Variants in DKK4 observed in about 807,000 individuals in gnomAD.
The protein encoded by DKK4 is dickkopf Wnt signaling pathway inhibitor 4, also known as dickkopf-related protein 4.
A neutral mutation model predicts 14.5 loss-of-function variants in DKK4; 15 were observed. The observed-to-expected ratio is 1.03, with a 90% confidence interval of 0.69 to 1.59. The LOEUF is 1.59. Ranked by LOEUF, DKK4 falls within the 40% of genes most tolerant of loss-of-function variation. The pLI, the probability that DKK4 is intolerant of heterozygous loss-of-function variation, is 0.00. For missense variants in DKK4, 272 were observed against 280.3 expected (o/e 0.97, Z 0.21); for synonymous variants, 89 against 105.2 (o/e 0.85, Z 0.94).
Position 42,374,296 on chromosome 8 carries a change from TGAC to T in DKK4, c.476_478del (p.Arg159del). On this transcript the variant is annotated inframe_deletion, in exon 4 of 4. Coordinates refer to ENST00000220812, the MANE Select transcript of DKK4 (RefSeq NM_014420.3). ...TGGCTTACAAATTTTCGTCCAAAAA[TGAC>T]GAGCACAGCAAAGTCCAGGGCCACA... 1 of 1,612,270 alleles carries T rather than the reference TGAC, an allele frequency of 6.2e-7. No homozygotes were observed. The highest frequency in any genetic ancestry group is 1.1e-5 in the South Asian group (1 of 90,858).
At chr8:42,384,207 G>A in the DKK4 span, among the ~76,000 whole-genome samples, 1 of 152,138 alleles carries the variant, frequency 6.6e-6, no homozygotes, top group Admixed American at 6.5e-5. Flanking sequence ...TGTCACCTGG[G>A]CTGGAGTGCA....
chr8:42,374,296 T>C lies in DKK4; in HGVS notation c.479A>G (p.His160Arg), dbSNP rs1216859158. The C allele has an allele frequency of 1.2e-6, 2 of 1,612,154 alleles. No homozygotes were observed. Among genetic ancestry groups the C allele is most frequent in the Non-Finnish European group, 8.5e-7 (1 of 1,178,986 alleles). Residue 160 changes from histidine to arginine, a missense_variant, in exon 4 of 4, where the codon CAT becomes CGT. Physicochemically the swap from His to Arg is conservative, Grantham distance 29. Coordinates refer to ENST00000220812, the MANE Select transcript of DKK4 (RefSeq NM_014420.3). ...DCGPGLCCAR[H>R]FWTKICKPVL... ...TGGCTTACAAATTTTCGTCCAAAAA[T>C]GACGAGCACAGCAAAGTCCAGGGCC... is the stretch of plus-strand genomic sequence containing the variant.
upstream of DKK4, among the ~76,000 whole-genome samples, chr8:42,380,517 GAAAAA>G (rs1159072811): frequency 2.3e-4 from 28 of 121,834 alleles, no homozygotes; most frequent in African/African-American, 8.6e-4. Context: ...GAAAAGAAAA[GAAAAA>G]AGAGAGGAAG....
the DKK4 span, among the ~76,000 whole-genome samples, chr8:42,383,771 C>T: frequency 2.0e-5 from 3 of 152,150 alleles, no homozygotes; most frequent in South Asian, 4.1e-4. Context: ...GGCGAAACCC[C>T]GTCTCTACTA....
the DKK4 span, among the ~76,000 whole-genome samples, chr8:42,389,089 A>G: frequency 9.2e-5 from 14 of 152,274 alleles, no homozygotes; most frequent in African/African-American, 3.1e-4. Context: ...GACTACAGGC[A>G]CATGCCACCC....
In DKK4 at chr8:42,375,771, G is replaced by A. The variant is rs115963393; in HGVS notation, c.171C>T (p.Arg57=). The A allele has an allele frequency of 5.6e-3, 8,969 of 1,614,094 alleles. 23 individuals are homozygous for A. The highest frequency in any genetic ancestry group is 6.3e-3 in the Non-Finnish European group (7,450 of 1,180,014). Residue 57 remains arginine (R), a synonymous_variant, in exon 2 of 4, where the codon CGC becomes CGT. Transcript: ENST00000220812. ...CNTRKFCLQP[R]DEKPFCATCR... The stretch of plus-strand genomic sequence containing the variant: ...ATGTAGCACAGAACGGCTTCTCATC[G>A]CGGGGCTGGAGGCAGAACTTTCTGG...
upstream of DKK4, among the ~76,000 whole-genome samples, chr8:42,379,378 TAGAGAGAG>T (rs537441477): frequency 0.022 from 747 of 34,256 alleles, 15 homozygotes; most frequent in African/African-American, 0.038. Context: ...TATATATATA[TAGAGAGAG>T]AGAGAGAGAG....
At chr8:42,389,570 C>T in the DKK4 span, among the ~76,000 whole-genome samples, 1 of 152,154 alleles carries the variant, frequency 6.6e-6, no homozygotes, top group South Asian at 2.1e-4. Context: ...GCGGTCAAAT[C>T]TGATATTTGC....
upstream of DKK4, among the ~76,000 whole-genome samples, chr8:42,378,477 A>G (rs1323060712): frequency 1.3e-5 from 2 of 152,104 alleles, no homozygotes; most frequent in Admixed American, 6.5e-5. Flanking sequence ...TACCTCTCGT[A>G]TGGAAGTTAC....
At chr8:42,374,536 C>A (rs1477556644) in intron 3 of DKK4, among the ~76,000 whole-genome samples, 177 bp from the exon 4 acceptor site, 1 of 152,154 alleles carries the variant, frequency 6.6e-6, no homozygotes. Context: ...CATGGCGACT[C>A]CACCCCTACC....
At chr8:42,390,055 G>C in the DKK4 span, among the ~76,000 whole-genome samples, 1 of 152,062 alleles carries the variant, frequency 6.6e-6, no homozygotes. Context: ...ACCATGCCCA[G>C]CTAATTTTCT....
chr8:42,375,684 C>G lies in DKK4; in HGVS notation c.258G>C (p.Val86=). The part of the protein sequence containing the change: ...DAMCCPGTLC[V]NDVCTTMEDA... ...TGTTGGCGTTATGTCGCTCACCGTT[C>G]ACACAGAGTGTCCCAGGGCAGCACA... Residue 86 remains valine (V), a synonymous_variant, in exon 2 of 4, where the codon GTG becomes GTC. Transcript: ENST00000220812. 6.2e-7 allele frequency: 1 copy of G among 1,613,340 alleles called. No individual in the cohort carries two copies. Among genetic ancestry groups the G allele is most frequent in the Non-Finnish European group, 8.5e-7 (1 of 1,180,028 alleles).
upstream of DKK4, among the ~76,000 whole-genome samples, chr8:42,379,112 GT>G (rs923182695): frequency 6.6e-6 from 1 of 150,462 alleles, no homozygotes; most frequent in African/African-American, 2.4e-5. Flanking sequence ...CTAGTCGGGC[GT>G]GGTGGTGGTC....
upstream of DKK4, among the ~76,000 whole-genome samples, chr8:42,378,763 G>C (rs943452221): frequency 1.3e-5 from 2 of 151,932 alleles, no homozygotes; most frequent in African/African-American, 4.8e-5. Flanking sequence ...TGAGCACTTA[G>C]AGCACTTGGC....
chr8:42,384,743 AG>A, the DKK4 span, among the ~76,000 whole-genome samples: 6 of 152,056 alleles, frequency 3.9e-5, no homozygotes, highest in African/African-American at 1.4e-4. Context: ...GCCCACAACG[AG>A]GGGGCTGCAG....
At chr8:42,382,792 G>A in the DKK4 span, among the ~76,000 whole-genome samples, 1,006 of 152,328 alleles carry the variant, frequency 6.6e-3, 7 homozygotes, top group Middle Eastern at 0.024. Context: ...TACTGACTAA[G>A]CTTAGAGGAA....
the DKK4 span, among the ~76,000 whole-genome samples, chr8:42,385,983 C>T: frequency 6.6e-6 from 1 of 152,180 alleles, no homozygotes; most frequent in African/African-American, 2.4e-5. Flanking sequence ...AATCTACTAT[C>T]AGTTCCAAAA....
At position 42,377,152 on chromosome 8, in the gene DKK4, G is replaced by A. The variant is rs796940009; in HGVS notation, c.-107C>T. Reference sequence around the variant, plus strand: ...CACTAAGCTGGCAGCTCAGCACGTCGTCTGTTTGTCACTGCTTTTTCTGAA... The same window carrying A: ...CACTAAGCTGGCAGCTCAGCACGTCATCTGTTTGTCACTGCTTTTTCTGAA... On this transcript the variant is annotated 5_prime_UTR_variant, in exon 1 of 4. It adds an upstream start codon to the 5' untranslated region. Transcript: ENST00000220812. The A allele has an allele frequency of 9.6e-6, 8 of 834,738 alleles. No individual in the cohort carries two copies. Among genetic ancestry groups the A allele is most frequent in the Admixed American group, 5.0e-5 (2 of 40,114 alleles). The allele number at this position is 834,738 out of a possible 1,614,324, so 51.7% of individuals were successfully genotyped here.
chr8:42,375,067 A>G (rs1217270701), intron 2 of DKK4, among the ~76,000 whole-genome samples, 154 bp from the exon 3 acceptor site: 2 of 152,212 alleles, frequency 1.3e-5, no homozygotes, highest in East Asian at 1.9e-4. Context: ...AAATATTTAC[A>G]TGCTCGCATG....
Sources: allele counts gnomAD v4.1 joint callset (sites outside exome capture counted in the v4.1 genomes callset), GRCh38; gene constraint gnomAD v4.1.1; transcripts MANE v1.5; gene names NCBI Gene and HGNC (gene_info 2026-07-23, HGNC 2026-07-21).